Variants in PLEKHA7 observed in about 807,000 individuals in gnomAD.
The protein encoded by PLEKHA7 is pleckstrin homology domain-containing family A member 7.
PLEKHA7 carries 104 observed loss-of-function variants against 170.0 expected under a neutral mutation model. That is an observed-to-expected ratio of 0.61 (90% CI 0.52 to 0.72). The LOEUF is 0.72. Among genes scored for constraint, PLEKHA7 ranks in the 30% least tolerant of loss-of-function variants. The probability of loss-of-function intolerance (pLI) is 0.00; values close to 1 mark genes in which losing one functional copy is unlikely to be tolerated. For missense variants in PLEKHA7, 1,615 were observed against 1,671.7 expected, an observed-to-expected ratio of 0.97 and a Z score of 0.59; for synonymous variants, 648 against 660.8, an observed-to-expected ratio of 0.98 and a Z score of 0.30.
At chr11:17,004,037 C>A (rs1184884502) in intron 3 of PLEKHA7, among the ~76,000 whole-genome samples, 1 of 152,188 alleles carries the variant, frequency 6.6e-6, no homozygotes, top group African/African-American at 2.4e-5. Flanking sequence ...AGGGGGAACT[C>A]GCATTCCTCT....
chr11:16,783,224 A>T (rs568520352), intron 25 of PLEKHA7, among the ~76,000 whole-genome samples: 2 of 152,282 alleles, frequency 1.3e-5, no homozygotes, highest in South Asian at 4.1e-4. Flanking sequence ...GGCTTAGGGG[A>T]CAGTAAAGTC....
chr11:16,842,169 A>G (rs1852015593), intron 8 of PLEKHA7: 1 of 163,178 alleles, frequency 6.1e-6, no homozygotes, highest in Non-Finnish European at 1.3e-5. Context: ...GTGGATGTTC[A>G]CTGTGCTTCA....
At chr11:16,780,866 A>G in intron 26 of PLEKHA7, 1 of 469,946 alleles carries the variant, frequency 2.1e-6, no homozygotes, top group Non-Finnish European at 2.8e-6. Context: ...TCACCTCAGC[A>G]CAGCAGGGAG....
At chr11:16,872,929 T>C (rs941581029) in intron 3 of PLEKHA7, among the ~76,000 whole-genome samples, 1 of 152,190 alleles carries the variant, frequency 6.6e-6, no homozygotes, top group Non-Finnish European at 1.5e-5. Context: ...GTATTTACAT[T>C]CTAGAAAGAT....
At chr11:16,807,235 C>T (rs1849051717) in intron 13 of PLEKHA7, 1 of 976,868 alleles carries the variant, frequency 1.0e-6, no homozygotes, top group Non-Finnish European at 1.2e-6. Context: ...CTGTTCCAAA[C>T]AAAAAGGCAG....
chr11:16,805,726 G>C (rs1848924560), intron 13 of PLEKHA7, among the ~76,000 whole-genome samples: 1 of 150,594 alleles, frequency 6.6e-6, no homozygotes, highest in Non-Finnish European at 1.5e-5. Flanking sequence ...GGAGGCAGAG[G>C]TTGCAGTGAG....
At chr11:16,856,620 C>G (rs1340234459) in intron 4 of PLEKHA7, among the ~76,000 whole-genome samples, 1 of 152,234 alleles carries the variant, frequency 6.6e-6, no homozygotes, top group Non-Finnish European at 1.5e-5. Context: ...CACCAAGGAG[C>G]TGCCCTGGGA....
intron 17 of PLEKHA7, 106 bp downstream of exon 17, chr11:16,800,868 G>C: frequency 1.1e-6 from 1 of 915,294 alleles, no homozygotes; most frequent in East Asian, 2.4e-5. Flanking sequence ...GGGGGAGAAG[G>C]ACTCTGAGCA....
In PLEKHA7 at chr11:16,889,418, A is replaced by AT. The variant is rs59197162; in HGVS notation, c.222-18237_222-18236insA. ...TATTGCTCAAAAAAAAAAAAAAAAA[A>AT]AAATATATATATATATATATATATA... On this transcript the variant is annotated intron_variant, in intron 3 of 26. Transcript: ENST00000531066. Among the ~76,000 whole-genome samples, 791 of 103,124 alleles carry AT rather than the reference A, an allele frequency of 7.7e-3. 5 individuals carry two copies. The highest frequency in any genetic ancestry group is 0.018 in the African/African-American group (410 of 22,708). The allele number at this position is 103,124 out of a possible 152,430, so 67.7% of individuals were successfully genotyped here.
chr11:16,831,427 C>T (rs1851100311), intron 9 of PLEKHA7, among the ~76,000 whole-genome samples: 1 of 152,200 alleles, frequency 6.6e-6, no homozygotes, highest in Non-Finnish European at 1.5e-5. Flanking sequence ...CACCCCTCGG[C>T]CGTCAATGAC....
In PLEKHA7 at chr11:16,826,316, C is replaced by G; in HGVS notation, c.1147G>C (p.Gly383Arg). The G allele has an allele frequency of 1.9e-6, 3 of 1,614,254 alleles. No individual in the cohort carries two copies. Among genetic ancestry groups the G allele is most frequent in the Non-Finnish European group, 2.5e-6 (3 of 1,180,042 alleles). The change falls in exon 10 of 27, where the codon GGC (glycine) becomes CGC (arginine). Residue 383 changes from glycine (G) to arginine (R), a missense_variant. By Grantham distance (125) the Gly-to-Arg change is moderately radical. Coordinates refer to ENST00000531066, the MANE Select transcript of PLEKHA7 (RefSeq NM_001329630.2). ...LFMDLPTGPR[G>R]QQAQPQRAEK... is the part of the protein sequence containing the mutation. ...GCCCGTTGGGGCTGTGCCTGCTGGC[C>G]TCTTGGGCCAGTGGGTAAATCCATA...
At chr11:16,799,712 A>G (rs1260035348) in intron 17 of PLEKHA7, among the ~76,000 whole-genome samples, 2 of 152,250 alleles carry the variant, frequency 1.3e-5, no homozygotes, top group Non-Finnish European at 2.9e-5. Flanking sequence ...TCATTACGGT[A>G]AATGCTGCGG....
At chr11:16,900,987 G>A (rs1291182402) in intron 3 of PLEKHA7, among the ~76,000 whole-genome samples, 2 of 151,864 alleles carry the variant, frequency 1.3e-5, no homozygotes, top group Non-Finnish European at 2.9e-5. Context: ...TGGGATTATA[G>A]GCGCCCGCCA....
At chr11:16,915,059 A>G (rs921655522) in intron 3 of PLEKHA7, among the ~76,000 whole-genome samples, 4 of 152,176 alleles carry the variant, frequency 2.6e-5, no homozygotes, top group Admixed American at 1.3e-4. Flanking sequence ...AGATGCAAAT[A>G]TAATAGCCCC....
intron 3 of PLEKHA7, among the ~76,000 whole-genome samples, chr11:16,875,353 A>ATTT (rs10710066): frequency 1.3e-5 from 2 of 148,186 alleles, no homozygotes; most frequent in Non-Finnish European, 3.0e-5. Context: ...AGAATACTAA[A>ATTT]TTTTTTTTTT....
intron 3 of PLEKHA7, among the ~76,000 whole-genome samples, chr11:16,937,207 C>T (rs186118324): frequency 6.6e-6 from 1 of 152,294 alleles, no homozygotes; most frequent in East Asian, 1.9e-4. Flanking sequence ...CCTGGGAAGA[C>T]ACTACAAGAA....
At chr11:16,890,848 A>T (rs75031521) in intron 3 of PLEKHA7, among the ~76,000 whole-genome samples, 25,520 of 151,624 alleles carry the variant, frequency 0.17, 2,617 homozygotes, top group Non-Finnish European at 0.24. Flanking sequence ...AACATGAAAA[A>T]ATATATATAT....
Position 16,791,079 on chromosome 11 carries a change from G to A in PLEKHA7, c.2866C>T (p.Leu956Phe). 1 of 1,614,162 alleles carries A rather than the reference G, an allele frequency of 6.2e-7. No individual in the cohort carries two copies. The highest frequency in any genetic ancestry group is 8.5e-7 in the Non-Finnish European group (1 of 1,180,030). Residue 956 changes from leucine to phenylalanine, a missense_variant, in exon 20 of 27, where the codon CTC (leucine) becomes TTC (phenylalanine). By Grantham distance (22) the Leu-to-Phe change is conservative (BLOSUM62 0). Transcript: ENST00000531066. This position sits in a 1 kb window ranked among gnomAD's most constrained non-coding sequence, Gnocchi z 4.5. ...TTCCTCTCGTCTGACTGCCGCTTGA[G>A]GCCCCGCACAGATGTGTGCCGGATG... ...TIIRHTSVRG[L>F]KRQSDERKRD...
At chr11:17,011,527 T>A (rs1865324221) in intron 3 of PLEKHA7, among the ~76,000 whole-genome samples, 2 of 152,178 alleles carry the variant, frequency 1.3e-5, no homozygotes, top group African/African-American at 4.8e-5. Flanking sequence ...GTGTTTTATC[T>A]TCCACCTACT....
Sources: gnomAD v4.1 joint callset for allele counts (sites outside exome capture counted in the v4.1 genomes callset) on GRCh38, gnomAD v4.1.1 for gene constraint, Gnocchi (gnomAD v3.1) non-coding constraint, MANE v1.5 for transcripts, NCBI Gene and HGNC (gene_info 2026-07-23, HGNC 2026-07-21) for gene names.